Variants in SLC25A42 observed in about 807,000 individuals in gnomAD.
The protein encoded by SLC25A42 is solute carrier family 25 member 42, also known as mitochondrial coenzyme A transporter SLC25A42.
In SLC25A42, 19 loss-of-function variants were observed where a neutral mutation model predicts 34.7. The ratio of observed to expected loss-of-function variants is 0.55; its 90% confidence interval spans 0.38 to 0.80. SLC25A42 has a LOEUF of 0.80. Among genes scored for constraint, SLC25A42 ranks in the 30% least tolerant of loss-of-function variants. The pLI is 0.00. For missense variants in SLC25A42, 364 were observed against 441.3 expected (o/e 0.82, Z 1.57); for synonymous variants, 205 against 191.2 (o/e 1.07, Z -0.59).
chr19:19,067,832 T>C (rs1055365683), intron 1 of SLC25A42, among the ~76,000 whole-genome samples: 1 of 152,074 alleles, frequency 6.6e-6, no homozygotes, highest in African/African-American at 2.4e-5. Flanking sequence ...CTCTCTCCAA[T>C]TGTCCAATTT....
intron 1 of SLC25A42, among the ~76,000 whole-genome samples, chr19:19,084,753 A>G (rs1483727792): frequency 1.3e-5 from 2 of 151,998 alleles, no homozygotes; most frequent in Non-Finnish European, 1.5e-5. Context: ...TTGCCCTCCT[A>G]TGCCCCTGGA....
intron 2 of SLC25A42, among the ~76,000 whole-genome samples, chr19:19,096,922 G>C (rs1014564736): frequency 3.9e-5 from 6 of 152,016 alleles, no homozygotes; most frequent in Admixed American, 1.3e-4. Context: ...GAGCGACAGG[G>C]TGAAACCCTG....
chr19:19,071,832 C>G (rs1427675956), intron 1 of SLC25A42, among the ~76,000 whole-genome samples: 1 of 151,696 alleles, frequency 6.6e-6, no homozygotes, highest in African/African-American at 2.4e-5. Context: ...CACCACTGCA[C>G]TCCAGCCTAG....
chr19:19,065,658 TTC>T (rs1350482825), intron 1 of SLC25A42, among the ~76,000 whole-genome samples: 1 of 152,204 alleles, frequency 6.6e-6, no homozygotes, highest in African/African-American at 2.4e-5. Flanking sequence ...CATTTGGGTT[TTC>T]TGTCCAACTT....
intron 1 of SLC25A42, among the ~76,000 whole-genome samples, chr19:19,065,295 G>T (rs888593604): frequency 6.6e-6 from 1 of 152,090 alleles, no homozygotes; most frequent in Non-Finnish European, 1.5e-5. Flanking sequence ...AGCTCTTGCA[G>T]ACCCGGGACC....
intron 1 of SLC25A42, among the ~76,000 whole-genome samples, chr19:19,066,454 T>TTTTTTTCTTTC (rs2059603039): frequency 2.0e-4 from 1 of 4,976 alleles, no homozygotes; most frequent in Non-Finnish European, 5.0e-4. Flanking sequence ...TTTTTCTTTC[T>TTTTTTTCTTTC]TTTTTTTTTT....
At chr19:19,064,291 A>T (rs575097838) in intron 1 of SLC25A42, among the ~76,000 whole-genome samples, 176 bp downstream of exon 1, 1 of 146,620 alleles carries the variant, frequency 6.8e-6, no homozygotes, top group Non-Finnish European at 1.5e-5. Flanking sequence ...CAGTCCACGC[A>T]CGCCTGACAC....
At chr19:19,074,180 C>T (rs1388722317) in intron 1 of SLC25A42, among the ~76,000 whole-genome samples, 1 of 152,220 alleles carries the variant, frequency 6.6e-6, no homozygotes, top group Non-Finnish European at 1.5e-5. Context: ...CATAGAATTT[C>T]CTGGATCTTT....
chr19:19,070,592 G>C lies in SLC25A42; in HGVS notation c.-35+6477G>C, dbSNP rs138361497. On this transcript the variant is annotated intron_variant, in intron 1 of 7. Coordinates refer to ENST00000318596, the MANE Select transcript of SLC25A42 (RefSeq NM_178526.5). ...TTACAGATGTGAACCACTCCCGGCC[G>C]ATCCCCTCTTCTTATAAGGACACTA... Among the ~76,000 whole-genome samples, 749 of 152,140 alleles carry C rather than the reference G, an allele frequency of 4.9e-3. 8 individuals are homozygous for C. Among genetic ancestry groups the C allele is most frequent in the African/African-American group, 0.018 (735 of 41,502 alleles).
chr19:19,110,553 G>T lies in SLC25A42; in HGVS notation c.650-16G>T. 2 of 1,381,440 alleles carry T rather than the reference G, an allele frequency of 1.4e-6. No homozygotes were observed. Among genetic ancestry groups the T allele is most frequent in the Non-Finnish European group, 1.9e-6 (2 of 1,075,270 alleles). 85.6% of individuals were successfully genotyped at this position (1,381,440 alleles called of 1,614,324 possible). On this transcript the variant is annotated splice_polypyrimidine_tract_variant and intron_variant, in intron 7 of 7. Coordinates refer to ENST00000318596, the MANE Select transcript of SLC25A42 (RefSeq NM_178526.5). ...CTCGCGGCGCCTTCACGGCCCTCCC[G>T]CCCCTCGCCCTGCAGAGTACAGCGG...
At chr19:19,074,235 CA>C (rs1259377453) in intron 1 of SLC25A42, among the ~76,000 whole-genome samples, 1 of 152,124 alleles carries the variant, frequency 6.6e-6, no homozygotes, top group South Asian at 2.1e-4. Context: ...TTGCCTTAAC[CA>C]AAGATTGTCT....
intron 1 of SLC25A42, among the ~76,000 whole-genome samples, chr19:19,087,254 T>G (rs1431177045): frequency 1.3e-5 from 2 of 152,198 alleles, no homozygotes; most frequent in Non-Finnish European, 2.9e-5. Context: ...ATGTATCTTC[T>G]AAGTTCATCT....
At chr19:19,064,534 C>T (rs2059591128) in intron 1 of SLC25A42, among the ~76,000 whole-genome samples, 2 of 149,460 alleles carry the variant, frequency 1.3e-5, no homozygotes, top group Admixed American at 1.3e-4. Context: ...GAGCCTGTGA[C>T]TCCTAACTCA....
At chr19:19,085,818 GGAGAGGAGGC>G (rs1418477550) in intron 1 of SLC25A42, among the ~76,000 whole-genome samples, 4 of 151,894 alleles carry the variant, frequency 2.6e-5, no homozygotes, top group Admixed American at 2.0e-4. Context: ...AGGGGAGAGA[GGAGAGGAGGC>G]AAGAGGAGAG....
At chr19:19,101,667 G>A in intron 2 of SLC25A42, 114 bp from the exon 3 acceptor site, 2 of 860,308 alleles carry the variant, frequency 2.3e-6, no homozygotes, top group East Asian at 5.3e-5. Flanking sequence ...TACTCAGGGT[G>A]GGGTACATCC....
At chr19:19,101,405 G>C (rs917885437) in intron 2 of SLC25A42, among the ~76,000 whole-genome samples, 1 of 152,148 alleles carries the variant, frequency 6.6e-6, no homozygotes, top group African/African-American at 2.4e-5. Flanking sequence ...ACGGTCCCTG[G>C]TGCCTGTTTT....
Position 19,109,129 on chromosome 19 carries a change from C to G in SLC25A42, c.649+1084C>G, listed in dbSNP as rs570832718. The stretch of plus-strand genomic sequence containing the variant: ...AAAAATGCTCCAAGTGGAGTCAGCT[C>G]ACCCGGGAGTGCAGCTCCCAGCTCA... On this transcript the variant is annotated intron_variant, in intron 7 of 7. Transcript: ENST00000318596. The surrounding 1 kb of genome is among the most constrained non-coding windows in gnomAD (Gnocchi z 4.1). Among the ~76,000 whole-genome samples the G allele has an allele frequency of 3.3e-5, 5 of 152,352 alleles. No individual in the cohort carries two copies. The East Asian group carries it at 7.7e-4, about 23-fold the overall frequency.
intron 6 of SLC25A42, among the ~76,000 whole-genome samples, chr19:19,107,329 A>AAAAC (rs397802036): frequency 6.6e-6 from 1 of 150,422 alleles, no homozygotes. Flanking sequence ...AAAAAAAAAA[A>AAAAC]CAAAAAAAGT....
At chr19:19,088,852 G>A (rs549954290) in intron 1 of SLC25A42, among the ~76,000 whole-genome samples, 6 of 148,284 alleles carry the variant, frequency 4.0e-5, no homozygotes, top group Non-Finnish European at 7.4e-5. Context: ...CTGACACCCA[G>A]GATGGAGTGC....
Sources: gnomAD v4.1 joint callset for allele counts (sites outside exome capture counted in the v4.1 genomes callset) on GRCh38, gnomAD v4.1.1 for gene constraint, Gnocchi (gnomAD v3.1) non-coding constraint, MANE v1.5 for transcripts, NCBI Gene and HGNC (gene_info 2026-07-23, HGNC 2026-07-21) for gene names.